Variants in DAB1 observed in about 807,000 individuals in gnomAD.
The protein encoded by DAB1 is DAB adaptor protein 1.
In DAB1, 15 loss-of-function variants were observed where a neutral mutation model predicts 64.6. The ratio of observed to expected loss-of-function variants is 0.23; its 90% CI spans 0.16 to 0.36. The LOEUF (loss-of-function observed/expected upper bound fraction) is 0.36. DAB1 is among the 10% of genes least tolerant of loss of function. The pLI is 1.00. For missense variants in DAB1, 596 were observed against 706.7 expected (o/e 0.84, Z 1.78); for synonymous variants, 235 against 251.9 (o/e 0.93, Z 0.64).
chr1:57,590,771 C>T (rs1645436914), intron 7 of DAB1, among the ~76,000 whole-genome samples: 1 of 151,680 alleles, frequency 6.6e-6, no homozygotes, highest in African/African-American at 2.4e-5. Flanking sequence ...CACACACACA[C>T]ACACACACAC....
chr1:57,454,044 A>G (rs1021388354), intron 7 of DAB1, among the ~76,000 whole-genome samples: 2 of 152,246 alleles, frequency 1.3e-5, no homozygotes, highest in African/African-American at 4.8e-5. Context: ...AACATCCACA[A>G]ACCAGGTGCC....
intron 4 of DAB1, among the ~76,000 whole-genome samples, chr1:58,243,720 T>A (rs1660404372): frequency 6.6e-6 from 1 of 152,018 alleles, no homozygotes; most frequent in Non-Finnish European, 1.5e-5. Context: ...AAAGTGAGAG[T>A]TCAAATCACA....
intron 5 of DAB1, among the ~76,000 whole-genome samples, chr1:58,068,329 T>C (rs2100564733): frequency 1.3e-5 from 2 of 152,370 alleles, no homozygotes; most frequent in East Asian, 3.9e-4. Context: ...GCAGTAGTGT[T>C]TTCTTTCTTT....
intron 7 of DAB1, among the ~76,000 whole-genome samples, chr1:57,516,064 G>A (rs1644460858): frequency 6.6e-6 from 1 of 152,182 alleles, no homozygotes; most frequent in African/African-American, 2.4e-5. Context: ...AAGGATGTAA[G>A]ATAGGATTAA....
At chr1:57,071,491 C>CTCCA in intron 6 of DAB1, 31 bp downstream of exon 6, 1 of 1,595,598 alleles carries the variant, frequency 6.3e-7, no homozygotes. Flanking sequence ...AAGGCCCGAT[C>CTCCA]TCCAGCGCAA....
chr1:58,503,580 A>G (rs1645942332), intron 3 of DAB1, among the ~76,000 whole-genome samples: 1 of 152,022 alleles, frequency 6.6e-6, no homozygotes, highest in South Asian at 2.1e-4. Context: ...CGCCTTTGGG[A>G]GGCGATTGTC....
chr1:58,194,268 A>G (rs1168996950), intron 4 of DAB1, among the ~76,000 whole-genome samples: 1 of 152,216 alleles, frequency 6.6e-6, no homozygotes, highest in Non-Finnish European at 1.5e-5. Flanking sequence ...CTGTTTACCT[A>G]TGTGATATTT....
intron 1 of DAB1, among the ~76,000 whole-genome samples, chr1:57,838,160 T>C (rs1652894826): frequency 1.3e-5 from 2 of 152,186 alleles, no homozygotes; most frequent in African/African-American, 2.4e-5. Context: ...CTGAATGTTC[T>C]AGGCCGCCTT....
chr1:58,060,275 CT>C (rs1648408613), intron 5 of DAB1: 1 of 152,424 alleles, frequency 6.6e-6, no homozygotes, highest in South Asian at 2.1e-4. Context: ...AAAGCCAACT[CT>C]TTCCAACAGG....
chr1:57,279,393 G>C (rs1258645093), intron 2 of DAB1, among the ~76,000 whole-genome samples: 1 of 152,080 alleles, frequency 6.6e-6, no homozygotes, highest in African/African-American at 2.4e-5. Flanking sequence ...TTTAATTGTT[G>C]TATTTTTTGC....
rs78686984 is a variant in DAB1 at position 57,936,716 on chromosome 1, C to T, written n.388-52554G>A. Among the ~76,000 whole-genome samples the T allele has an allele frequency of 4.9e-3, 739 of 152,036 alleles. 8 individuals are homozygous for T. The highest frequency in any genetic ancestry group is 0.017 in the African/African-American group (709 of 41,480). Reference sequence around the variant, plus strand: ...TATTTATTTTTTTTAGATGGAGTCTCGCACTGTTGTTTAAAATAGAAATAA... The same window carrying T: ...TATTTATTTTTTTTAGATGGAGTCTTGCACTGTTGTTTAAAATAGAAATAA... On this transcript the variant is annotated intron_variant and non_coding_transcript_variant, in intron 5 of 20. Coordinates refer to the DAB1 transcript ENST00000485760.
chr1:57,786,397 G>C (rs1650341834), intron 6 of DAB1, among the ~76,000 whole-genome samples: 1 of 152,120 alleles, frequency 6.6e-6, no homozygotes, highest in African/African-American at 2.4e-5. Flanking sequence ...GCCAGGCACT[G>C]TATGCTGTCT....
intron 6 of DAB1, among the ~76,000 whole-genome samples, chr1:57,663,018 G>A (rs541942164): frequency 6.6e-6 from 1 of 152,104 alleles, no homozygotes; most frequent in Non-Finnish European, 1.5e-5. Flanking sequence ...TTCTCACATT[G>A]CTATAAAGAA....
At chr1:57,026,460 C>T (rs1646792374) in intron 9 of DAB1, among the ~76,000 whole-genome samples, 1 of 152,148 alleles carries the variant, frequency 6.6e-6, no homozygotes, top group African/African-American at 2.4e-5. Context: ...ATGGACATGA[C>T]TTCATGGTCA....
intron 9 of DAB1, among the ~76,000 whole-genome samples, chr1:57,061,421 C>T (rs935634008): frequency 3.9e-5 from 6 of 152,162 alleles, no homozygotes; most frequent in African/African-American, 9.7e-5. Flanking sequence ...GTCCATCTCC[C>T]TATGCAATTT....
intron 3 of DAB1, among the ~76,000 whole-genome samples, chr1:58,357,528 G>A (rs779772047): frequency 2.6e-5 from 4 of 152,178 alleles, no homozygotes; most frequent in Non-Finnish European, 4.4e-5. Context: ...TTAGATGCAC[G>A]GATCTGAAGT....
intron 9 of DAB1, among the ~76,000 whole-genome samples, chr1:57,058,877 G>A (rs990183314): frequency 3.9e-5 from 6 of 152,204 alleles, no homozygotes; most frequent in African/African-American, 7.2e-5. Context: ...TTGCAAAGCC[G>A]CGTGAGATGT....
chr1:57,031,378 TC>T (rs1377251941), intron 9 of DAB1, among the ~76,000 whole-genome samples: 2 of 152,218 alleles, frequency 1.3e-5, no homozygotes, highest in African/African-American at 2.4e-5. Context: ...ATAATACTGC[TC>T]TAATGAATCA....
At chr1:58,212,506 G>A (rs1372745330) in intron 4 of DAB1, among the ~76,000 whole-genome samples, 1 of 152,106 alleles carries the variant, frequency 6.6e-6, no homozygotes, top group African/African-American at 2.4e-5. Flanking sequence ...TTGACATCCA[G>A]GCCATCTGGT....
Sources: gnomAD v4.1 joint callset for allele counts (sites outside exome capture counted in the v4.1 genomes callset) on GRCh38, gnomAD v4.1.1 for gene constraint, MANE v1.5 for transcripts, NCBI Gene and HGNC (gene_info 2026-07-23, HGNC 2026-07-21) for gene names.